Variants in MED14 observed in about 807,000 individuals in gnomAD.
MED14 encodes the protein mediator of RNA polymerase II transcription subunit 14.
Under a neutral mutation model 109.0 loss-of-function variants are expected in MED14, and 8 were observed. The observed-to-expected ratio is 0.07, with a 90% CI of 0.04 to 0.13. MED14 has a LOEUF of 0.13. MED14 is among the 10% of genes least tolerant of loss of function. MED14 has a pLI of 1.00. For missense variants in MED14, 711 were observed against 1,142.4 expected (o/e 0.62, Z 5.44); for synonymous variants, 399 against 408.7 (o/e 0.98, Z 0.29).
intron 16 of MED14, among the ~76,000 whole-genome samples, chrX:40,687,829 G>A (rs1311762231): frequency 1.8e-5 from 2 of 111,867 alleles, no homozygotes; most frequent in Non-Finnish European, 3.8e-5. Context: ...ACAGCATTCT[G>A]AGGGGATGTC....
At chrX:40,695,039 A>AACTATTAT (rs1930674265) in intron 13 of MED14, among the ~76,000 whole-genome samples, 1 of 112,370 alleles carries the variant, frequency 8.9e-6, no homozygotes, top group African/African-American at 3.2e-5. Flanking sequence ...AAAAGGAAGG[A>AACTATTAT]ACTATTATAC....
intron 26 of MED14, among the ~76,000 whole-genome samples, chrX:40,662,162 G>A (rs1929306777): frequency 9.0e-6 from 1 of 111,655 alleles, no homozygotes; most frequent in African/African-American, 3.3e-5. Flanking sequence ...CACCGTGCCC[G>A]TCCTGTTCAC....
chrX:40,701,272 T>C, intron 11 of MED14, 29 bp from the exon 12 acceptor site: 1 of 998,223 alleles, frequency 1.0e-6, no homozygotes, highest in Non-Finnish European at 1.4e-6. Flanking sequence ...CATTAATTAA[T>C]TGCTTATATG....
chrX:40,702,788 G>GA (rs1388162029), intron 11 of MED14, among the ~76,000 whole-genome samples: 1 of 111,155 alleles, frequency 9.0e-6, no homozygotes. Flanking sequence ...GCAGCCCATA[G>GA]AAAAAAAATC....
intron 4 of MED14, 143 bp downstream of exon 4, chrX:40,714,394 C>A: frequency 1.8e-6 from 1 of 563,462 alleles, no homozygotes; most frequent in Non-Finnish European, 2.7e-6. Flanking sequence ...CAAAAAAGCA[C>A]AACTTTAGTT....
chrX:40,685,057 T>C (rs913403751), intron 16 of MED14, among the ~76,000 whole-genome samples: 3 of 111,906 alleles, frequency 2.7e-5, no homozygotes, highest in African/African-American at 9.8e-5. Context: ...CTGACAAAAT[T>C]GTTACAAACT....
Position 40,701,262 on chromosome X carries a change from C to T in MED14, c.1412-19G>A, listed in dbSNP as rs756903070. The T allele has an allele frequency of 5.7e-6, 6 of 1,061,028 alleles. No homozygotes were observed. The highest frequency in any genetic ancestry group is 7.8e-6 in the Non-Finnish European group (6 of 772,463). 87.4% of individuals were successfully genotyped at this position (1,061,028 alleles called of 1,213,427 possible). On this transcript the variant is annotated intron_variant, in intron 11 of 30. Coordinates refer to ENST00000324817, the MANE Select transcript of MED14 (RefSeq NM_004229.4). ...GCCTGGTCTACAGAATAAAGCACTT[C>T]ATTAATTAATTGCTTATATGAGAAA...
intron 28 of MED14, among the ~76,000 whole-genome samples, chrX:40,655,283 G>A (rs990233634): frequency 6.3e-5 from 7 of 111,062 alleles, no homozygotes; most frequent in East Asian, 5.6e-4. Flanking sequence ...CTCCCACTTC[G>A]TTAATTCCTA....
Position 40,690,729 on chromosome X carries a change from G to A in MED14, c.1980+1454C>T, listed in dbSNP as rs550035077. ...CGTGCCCGGCCCACTGCCTGTTTTT[G>A]TAAATGAAGTTTTTTACCGTAACAC... On this transcript the variant is annotated intron_variant, in intron 15 of 30. Coordinates refer to ENST00000324817, the MANE Select transcript of MED14 (RefSeq NM_004229.4). Among the ~76,000 whole-genome samples, 19 of 111,564 alleles carry A rather than the reference G, an allele frequency of 1.7e-4. No individual in the cohort carries two copies. The South Asian group carries it at 6.3e-3, about 37-fold the overall frequency.
At position 40,649,066 on chromosome X, in the gene MED14, T is replaced by C. The variant is rs1349021121; in HGVS notation, c.*2740A>G. The C allele has an allele frequency of 1.8e-5, 2 of 112,290 alleles. No individual in the cohort carries two copies. Among genetic ancestry groups the C allele is most frequent in the Admixed American group, 9.4e-5 (1 of 10,609 alleles). 9.3% of individuals were successfully genotyped at this position (112,290 alleles called of 1,213,427 possible). ...AAATAAACATTAAGGTAAAATGTAA[T>C]AGGCACTTCTTTTGGGGGGAAAAAC... On this transcript the variant is annotated 3_prime_UTR_variant, in exon 31 of 31. Transcript: ENST00000324817.
chrX:40,701,819 T>C (rs898525793), intron 11 of MED14, among the ~76,000 whole-genome samples: 4 of 110,953 alleles, frequency 3.6e-5, no homozygotes, highest in African/African-American at 1.3e-4. Flanking sequence ...GGGGACAAAG[T>C]ATAGAAAAAA....
At chrX:40,717,673 C>G (rs746514813) in intron 3 of MED14, among the ~76,000 whole-genome samples, 10 of 111,047 alleles carry the variant, frequency 9.0e-5, no homozygotes, top group African/African-American at 3.3e-4. Flanking sequence ...CAGGAGTGCA[C>G]CACCACCCCC....
chrX:40,658,966 TGGACAGGGATAGAGG>T (rs922238800), intron 28 of MED14, among the ~76,000 whole-genome samples: 2 of 111,800 alleles, frequency 1.8e-5, no homozygotes, highest in Admixed American at 9.5e-5. Context: ...AGAAGACAGT[TGGACAGGGATAGAGG>T]GGACAGGGAT....
At chrX:40,700,488 T>C (rs770416349) in intron 12 of MED14, among the ~76,000 whole-genome samples, 1 of 107,326 alleles carries the variant, frequency 9.3e-6, no homozygotes, top group South Asian at 4.0e-4. Context: ...ATAAAAACAA[T>C]AGATCCCACT....
At chrX:40,699,528 T>C (rs898168300) in intron 12 of MED14, among the ~76,000 whole-genome samples, 1 of 112,277 alleles carries the variant, frequency 8.9e-6, no homozygotes, top group Non-Finnish European at 1.9e-5. Flanking sequence ...ACTTTTCTTA[T>C]AAATAAATCA....
At chrX:40,691,105 G>A (rs1410161201) in intron 15 of MED14, among the ~76,000 whole-genome samples, 4 of 112,016 alleles carry the variant, frequency 3.6e-5, no homozygotes, top group Non-Finnish European at 7.5e-5. Context: ...ACCCATCCTT[G>A]GCCAAACTCC....
intron 15 of MED14, among the ~76,000 whole-genome samples, chrX:40,689,359 G>C (rs1333350882): frequency 8.9e-6 from 1 of 111,829 alleles, no homozygotes; most frequent in Non-Finnish European, 1.9e-5. Context: ...AATGAAGTGT[G>C]GGCCAGCTCA....
In MED14 at chrX:40,650,343, A is replaced by C. The variant is rs1928817788; in HGVS notation, c.*1463T>G. 2.7e-6 allele frequency: 2 copies of C among 751,815 alleles called. No homozygotes were observed. Among genetic ancestry groups the C allele is most frequent in the Non-Finnish European group, 3.1e-6 (2 of 638,086 alleles). 62.0% of individuals were successfully genotyped at this position (751,815 alleles called of 1,213,427 possible). The stretch of plus-strand genomic sequence containing the variant: ...TGGAGAATCAAACAAAGTTGAGAAC[A>C]GATATGATATAGGTACAGTGAGATA... On this transcript the variant is annotated 3_prime_UTR_variant, in exon 31 of 31. Coordinates refer to ENST00000324817, the MANE Select transcript of MED14 (RefSeq NM_004229.4).
chrX:40,659,631 T>TGTG (rs1296069953), intron 26 of MED14, 24 bp from the exon 27 acceptor site: 1 of 1,158,951 alleles, frequency 8.6e-7, no homozygotes, highest in African/African-American at 1.8e-5. Context: ...ACACATCAAA[T>TGTG]TAACATGTAA....
Sources: gnomAD v4.1 joint callset for allele counts (sites outside exome capture counted in the v4.1 genomes callset) on GRCh38, gnomAD v4.1.1 for gene constraint, MANE v1.5 for transcripts, NCBI Gene and HGNC (gene_info 2026-07-23, HGNC 2026-07-21) for gene names.